Variants in IL36B observed in about 807,000 individuals in gnomAD.
IL36B encodes the protein interleukin-36 beta.
In IL36B, 23 loss-of-function variants were observed where a neutral mutation model predicts 19.3. That is an observed-to-expected ratio of 1.19 (90% CI 0.86 to 1.69). The LOEUF (loss-of-function observed/expected upper bound fraction) is 1.69. Ranked by LOEUF, IL36B falls within the 40% of genes most tolerant of loss-of-function variation. The pLI is 0.00. For missense variants in IL36B, 217 were observed against 200.5 expected (o/e 1.08, Z -0.50); for synonymous variants, 59 against 59.7 (o/e 0.99, Z 0.05).
chr2:113,045,878 A>G (rs1266721102), intron 1 of IL36B, among the ~76,000 whole-genome samples: 1 of 152,082 alleles, frequency 6.6e-6, no homozygotes, highest in Non-Finnish European at 1.5e-5. Context: ...TAACATTTTA[A>G]TGTGTATTTG....
chr2:113,027,828 A>G, intron 4 of IL36B: 1 of 1,573,500 alleles, frequency 6.4e-7, no homozygotes, highest in African/African-American at 1.3e-5. Flanking sequence ...ACTCAGTCGC[A>G]TAATGATCTG....
At chr2:113,027,500 G>A (rs1684985417) in intron 4 of IL36B, 2 of 1,023,370 alleles carry the variant, frequency 2.0e-6, no homozygotes. Context: ...TATCTTTGGG[G>A]CACATATTAT....
intron 1 of IL36B, among the ~76,000 whole-genome samples, chr2:113,033,723 T>G (rs1379099047): frequency 6.6e-6 from 1 of 152,196 alleles, no homozygotes. Flanking sequence ...TCCTGCATAC[T>G]GCACTAGCCG....
intron 1 of IL36B, among the ~76,000 whole-genome samples, chr2:113,036,440 C>T (rs555651702): frequency 1.3e-5 from 2 of 151,514 alleles, no homozygotes; most frequent in Admixed American, 6.6e-5. Flanking sequence ...TTCAGACACA[C>T]CCCATGGCAT....
At chr2:113,038,889 C>T (rs1167203624) in intron 1 of IL36B, among the ~76,000 whole-genome samples, 1 of 152,200 alleles carries the variant, frequency 6.6e-6, no homozygotes, top group Non-Finnish European at 1.5e-5. Flanking sequence ...AATGCCTGAT[C>T]TCCATCTATG....
intron 1 of IL36B, among the ~76,000 whole-genome samples, chr2:113,047,368 AGT>A (rs2105057563): frequency 6.6e-6 from 1 of 152,248 alleles, no homozygotes; most frequent in Admixed American, 6.5e-5. Context: ...ATGACTTTTG[AGT>A]GTCATGTTGG....
intron 4 of IL36B, chr2:113,026,251 C>T (rs756300964): frequency 9.9e-6 from 16 of 1,612,922 alleles, no homozygotes; most frequent in Middle Eastern, 1.6e-4. Flanking sequence ...GAGAAATGTT[C>T]AATGTTGCTG....
intron 4 of IL36B, chr2:113,026,298 G>A: frequency 1.2e-6 from 2 of 1,600,676 alleles, no homozygotes; most frequent in Non-Finnish European, 1.7e-6. Flanking sequence ...TCTCAAAGTT[G>A]GTTGCACGGC....
intron 1 of IL36B, among the ~76,000 whole-genome samples, chr2:113,036,274 C>T (rs754085013): frequency 2.0e-5 from 3 of 151,490 alleles, no homozygotes; most frequent in Non-Finnish European, 4.4e-5. Flanking sequence ...AAGCAATATA[C>T]ATGTGTTGTT....
Position 113,031,710 on chromosome 2 carries a change from G to A in IL36B, c.-1C>T, listed in dbSNP as rs748575325. 1.2e-5 allele frequency: 19 copies of A among 1,609,518 alleles called. No individual in the cohort carries two copies. Among genetic ancestry groups the A allele is most frequent in the Non-Finnish European group, 1.6e-5 (19 of 1,176,224 alleles). ...TTCACCACTTACGTTGTGGGTTCATGATGTCTTCAGAGCCTTTTGTGAAGA... is the reference window on the plus strand; with the variant it reads ...TTCACCACTTACGTTGTGGGTTCATAATGTCTTCAGAGCCTTTTGTGAAGA... On this transcript the variant is annotated 5_prime_UTR_variant, in exon 2 of 6. Coordinates refer to ENST00000259213, the MANE Select transcript of IL36B (RefSeq NM_014438.5).
chr2:113,039,358 T>C (rs1490029249), intron 1 of IL36B, among the ~76,000 whole-genome samples: 7 of 152,188 alleles, frequency 4.6e-5, no homozygotes, highest in Admixed American at 4.6e-4. Context: ...ATCCCACCCC[T>C]GCAACCACCC....
At chr2:113,050,209 T>G (rs1434465711) in intron 1 of IL36B, among the ~76,000 whole-genome samples, 1 of 152,204 alleles carries the variant, frequency 6.6e-6, no homozygotes, top group African/African-American at 2.4e-5. Flanking sequence ...GCAACCCAAG[T>G]GTCCATCGAC....
Position 113,026,147 on chromosome 2 carries a change from T to C in IL36B, c.347A>G (p.Glu116Gly). 2 of 1,613,932 alleles carry C rather than the reference T, an allele frequency of 1.2e-6. No homozygotes were observed. The highest frequency in any genetic ancestry group is 1.7e-6 in the Non-Finnish European group (2 of 1,179,834). The change falls in exon 5 of 6, where the codon GAG becomes GGG. Residue 116 changes from glutamate (E) to glycine (G), a missense_variant. Transcript: ENST00000259213. The stretch of plus-strand genomic sequence containing the variant: ...GTCAAGGGTTCCCATGAAGCAGCTC[T>C]CTCTCACATCCAGGTTTATGCATGT...
chr2:113,024,251 C>T (rs906148007), intron 5 of IL36B, among the ~76,000 whole-genome samples: 1 of 152,108 alleles, frequency 6.6e-6, no homozygotes, highest in African/African-American at 2.4e-5. Flanking sequence ...ATCAACACCT[C>T]CGTGAATATT....
At chr2:113,046,292 C>G (rs1278377484) in intron 1 of IL36B, among the ~76,000 whole-genome samples, 5 of 151,334 alleles carry the variant, frequency 3.3e-5, no homozygotes, top group African/African-American at 1.2e-4. Context: ...TTACTGCAAG[C>G]TCCACCTCCC....
At chr2:113,025,039 G>A (rs1008979438) in intron 5 of IL36B, among the ~76,000 whole-genome samples, 20 of 152,286 alleles carry the variant, frequency 1.3e-4, no homozygotes, top group African/African-American at 3.9e-4. Context: ...ATACATGTGG[G>A]GAAAGGCTTG....
chr2:113,026,614 A>C (rs1449662604), intron 4 of IL36B, among the ~76,000 whole-genome samples: 3 of 152,228 alleles, frequency 2.0e-5, no homozygotes, highest in Admixed American at 6.5e-5. Context: ...GTGGATTTGC[A>C]GATTATATTA....
chr2:113,036,718 C>G (rs1400260269), intron 1 of IL36B, among the ~76,000 whole-genome samples: 2 of 152,200 alleles, frequency 1.3e-5, no homozygotes, highest in Non-Finnish European at 2.9e-5. Context: ...AATAAATAAG[C>G]ATTTGATCCT....
intron 1 of IL36B, among the ~76,000 whole-genome samples, chr2:113,050,345 CAAAAAA>C (rs79717470): frequency 1.4e-5 from 2 of 146,072 alleles, no homozygotes; most frequent in Admixed American, 1.4e-4. Context: ...AAACTAATAA[CAAAAAA>C]AAAAAAATAC....
Sources: allele counts gnomAD v4.1 joint callset (sites outside exome capture counted in the v4.1 genomes callset), GRCh38; gene constraint gnomAD v4.1.1; transcripts MANE v1.5; gene names NCBI Gene and HGNC (gene_info 2026-07-23, HGNC 2026-07-21).